The following MAP4 variants were observed in gnomAD, a reference collection of about 807,000 sequenced individuals.
The protein encoded by MAP4 is microtubule-associated protein 4.
In MAP4, 76 loss-of-function variants were observed where a neutral mutation model predicts 170.2. The observed-to-expected ratio is 0.45, with a 90% CI of 0.37 to 0.54. The LOEUF (loss-of-function observed/expected upper bound fraction) is 0.54. MAP4 is among the 20% of genes least tolerant of loss of function. The pLI is 0.00. For synonymous variants in MAP4, 909 were observed against 994.5 expected, an observed-to-expected ratio of 0.91 and a Z score of 1.62; for missense variants, 2,506 against 2,748.0, an observed-to-expected ratio of 0.91 and a Z score of 1.97.
chr3:47,861,434 C>G (rs774830270), intron 17 of MAP4, among the ~76,000 whole-genome samples: 32 of 149,820 alleles, frequency 2.1e-4, no homozygotes, highest in Non-Finnish European at 4.0e-4. Context: ...CTCACTGCAA[C>G]CTCCGACTGC....
In MAP4 at chr3:47,890,825, C is replaced by T. The variant is rs114247408; in HGVS notation, c.5434+12125G>A. On this transcript the variant is annotated intron_variant, in intron 10 of 20. Coordinates refer to ENST00000683076, the MANE Select transcript of MAP4 (RefSeq NM_001385682.1). ...TCTGTCATGCTAGCAAGACATTCAG[C>T]TTGACCCTGCAAGATTCACTTTGTT... Among the ~76,000 whole-genome samples the T allele has an allele frequency of 4.0e-3, 615 of 152,288 alleles. 6 individuals are homozygous for T. Among genetic ancestry groups the T allele is most frequent in the African/African-American group, 0.014 (596 of 41,546 alleles).
intron 3 of MAP4, among the ~76,000 whole-genome samples, chr3:47,942,002 G>C (rs1203388570): frequency 6.6e-6 from 1 of 152,014 alleles, no homozygotes; most frequent in African/African-American, 2.4e-5. Flanking sequence ...GCTAGTATTT[G>C]GTCTCTAAAC....
intron 1 of MAP4, among the ~76,000 whole-genome samples, chr3:48,048,205 G>C (rs111757074): frequency 5.9e-5 from 9 of 152,270 alleles, no homozygotes; most frequent in African/African-American, 2.2e-4. Flanking sequence ...ATCTAAAATA[G>C]GTTGTAGAGC....
chr3:47,862,870 T>C (rs547908052), intron 17 of MAP4, among the ~76,000 whole-genome samples: 1 of 152,212 alleles, frequency 6.6e-6, no homozygotes, highest in Non-Finnish European at 1.5e-5. Flanking sequence ...ACTGCTCATG[T>C]AGATAGTAAA....
At chr3:48,062,515 A>AC (rs1168332478) in intron 1 of MAP4, among the ~76,000 whole-genome samples, 1 of 150,314 alleles carries the variant, frequency 6.7e-6, no homozygotes, top group Non-Finnish European at 1.5e-5. Flanking sequence ...AAAAAAAAAA[A>AC]AACATCACTA....
chr3:48,051,317 C>A (rs763331688), intron 1 of MAP4, among the ~76,000 whole-genome samples: 10 of 152,100 alleles, frequency 6.6e-5, no homozygotes, highest in Admixed American at 3.3e-4. Context: ...GAGGCTGAGG[C>A]AGGAGAACTG....
Position 47,945,118 on chromosome 3 carries a change from T to C in MAP4, c.293-16768A>G, listed in dbSNP as rs1037700276. 5.9e-5 allele frequency among the ~76,000 whole-genome samples: 9 copies of C among 151,784 alleles called. 1 individual carries two copies. Among genetic ancestry groups the C allele is most frequent in the Admixed American group, 5.3e-4 (8 of 15,232 alleles). ...CTGTAATCCTAGCACTTTGGGAGGC[T>C]GAGGCGGGTGAATCACCTGAGGTCA... On this transcript the variant is annotated intron_variant, in intron 3 of 20. Coordinates refer to ENST00000683076, the MANE Select transcript of MAP4 (RefSeq NM_001385682.1).
chr3:47,952,043 C>T (rs987100541), intron 3 of MAP4, among the ~76,000 whole-genome samples: 1 of 151,248 alleles, frequency 6.6e-6, no homozygotes, highest in East Asian at 2.0e-4. Flanking sequence ...CCGGCCGCGA[C>T]CCCGTCTGGG....
At chr3:48,026,354 C>T (rs1402466444) in intron 1 of MAP4, among the ~76,000 whole-genome samples, 1 of 152,160 alleles carries the variant, frequency 6.6e-6, no homozygotes, top group Admixed American at 6.5e-5. Context: ...TCAAATACAA[C>T]AGTTTCTCTT....
At chr3:48,048,611 G>A (rs556508757) in intron 1 of MAP4, among the ~76,000 whole-genome samples, 3 of 142,898 alleles carry the variant, frequency 2.1e-5, no homozygotes, top group Non-Finnish European at 4.5e-5. Flanking sequence ...TCAACCTCCA[G>A]GACTCAAGTG....
intron 1 of MAP4, among the ~76,000 whole-genome samples, chr3:48,063,048 A>G (rs1237334692): frequency 6.6e-6 from 1 of 152,160 alleles, no homozygotes; most frequent in Non-Finnish European, 1.5e-5. Context: ...GATGTTCAAT[A>G]ACATATGTCA....
intron 3 of MAP4, among the ~76,000 whole-genome samples, chr3:47,951,855 G>C (rs2100064225): frequency 6.7e-6 from 1 of 150,132 alleles, no homozygotes; most frequent in Non-Finnish European, 1.5e-5. Context: ...TGCCCAGTCT[G>C]GAAAGTGAGG....
At chr3:47,976,933 A>G (rs2100082510) in intron 3 of MAP4, among the ~76,000 whole-genome samples, 1 of 152,242 alleles carries the variant, frequency 6.6e-6, no homozygotes, top group Admixed American at 6.5e-5. Flanking sequence ...GAAGCCTTAG[A>G]AAAAGAGAAA....
At chr3:47,873,934 G>A (rs1255019399) in intron 12 of MAP4, among the ~76,000 whole-genome samples, 1 of 152,194 alleles carries the variant, frequency 6.6e-6, no homozygotes, top group Non-Finnish European at 1.5e-5. Context: ...CTATTCTGCT[G>A]TTTCCCAATT....
chr3:47,985,664 G>T (rs1435548569), intron 2 of MAP4, among the ~76,000 whole-genome samples: 1 of 152,102 alleles, frequency 6.6e-6, no homozygotes, highest in Non-Finnish European at 1.5e-5. Context: ...CAAATTAGGG[G>T]ACTTCTAAAA....
At chr3:47,904,555 G>GCCTACCT in intron 9 of MAP4, among the ~76,000 whole-genome samples, 1 of 150,882 alleles carries the variant, frequency 6.6e-6, no homozygotes, top group East Asian at 2.0e-4. Flanking sequence ...CAGGTGATCT[G>GCCTACCT]CTGCGCCTGG....
intron 1 of MAP4, among the ~76,000 whole-genome samples, chr3:48,082,108 T>C (rs2100146927): frequency 6.6e-6 from 1 of 152,188 alleles, no homozygotes; most frequent in Non-Finnish European, 1.5e-5. Flanking sequence ...ACATAAATGA[T>C]TTAATAAATA....
chr3:47,934,671 T>C (rs1218489020), intron 3 of MAP4, among the ~76,000 whole-genome samples: 1 of 152,186 alleles, frequency 6.6e-6, no homozygotes, highest in East Asian at 1.9e-4. Context: ...AGTGACTCCT[T>C]CTATTTCACA....
chr3:47,867,989 C>T (rs1167703735), intron 16 of MAP4, among the ~76,000 whole-genome samples: 1 of 152,190 alleles, frequency 6.6e-6, no homozygotes, highest in South Asian at 2.1e-4. Context: ...TCTCAGGGCT[C>T]GAGAAGGCAT....
Sources: gnomAD v4.1 joint callset for allele counts (sites outside exome capture counted in the v4.1 genomes callset) on GRCh38, gnomAD v4.1.1 for gene constraint, MANE v1.5 for transcripts, NCBI Gene and HGNC (gene_info 2026-07-23, HGNC 2026-07-21) for gene names.